Variants in LRRC7 observed in about 807,000 individuals in gnomAD.
LRRC7 encodes the protein leucine-rich repeat-containing protein 7.
Under a neutral mutation model 175.7 loss-of-function variants are expected in LRRC7, and 23 were observed. That is an observed-to-expected ratio of 0.13 (90% confidence interval 0.09 to 0.19). The LOEUF is 0.19. Ranked by LOEUF, LRRC7 falls within the 10% of genes least tolerant of loss-of-function variation. LRRC7 has a pLI of 1.00. For synonymous variants in LRRC7, 685 were observed against 680.9 expected (o/e 1.01, Z -0.09); for missense variants, 1,354 against 1,904.7 (o/e 0.71, Z 5.38).
At chr1:69,771,591 G>T (rs1052095502) in intron 3 of LRRC7, among the ~76,000 whole-genome samples, 3 of 152,048 alleles carry the variant, frequency 2.0e-5, no homozygotes, top group Admixed American at 6.6e-5. Context: ...TTTGAGAAAT[G>T]ATACAAAAAA....
chr1:69,801,124 A>G (rs865944533), intron 4 of LRRC7, among the ~76,000 whole-genome samples: 42 of 151,826 alleles, frequency 2.8e-4, no homozygotes, highest in Middle Eastern at 3.2e-3. Flanking sequence ...TTTGTTTACT[A>G]GTATTTTGTT....
intron 8 of LRRC7, among the ~76,000 whole-genome samples, chr1:69,973,656 G>A (rs891990844): frequency 2.0e-5 from 3 of 152,108 alleles, no homozygotes; most frequent in Non-Finnish European, 4.4e-5. Flanking sequence ...GTGCAGTGGC[G>A]CAATCTTGGC....
chr1:70,087,089 T>C (rs1663671560), intron 24 of LRRC7, among the ~76,000 whole-genome samples: 1 of 152,234 alleles, frequency 6.6e-6, no homozygotes, highest in African/African-American at 2.4e-5. Flanking sequence ...TTTATAAAAC[T>C]ACAGTGTCAT....
chr1:69,989,347 T>G (rs1654221247), intron 10 of LRRC7, among the ~76,000 whole-genome samples: 1 of 152,206 alleles, frequency 6.6e-6, no homozygotes, highest in Admixed American at 6.5e-5. Flanking sequence ...TGCATCACTA[T>G]GTACCTGATA....
chr1:69,658,250 ATAAT>A (rs747202854), intron 1 of LRRC7, among the ~76,000 whole-genome samples: 2 of 151,960 alleles, frequency 1.3e-5, no homozygotes, highest in Admixed American at 6.6e-5. Context: ...CATATTTTAA[ATAAT>A]TCATATTAGC....
At chr1:69,689,811 A>T (rs1326037006) in intron 2 of LRRC7, among the ~76,000 whole-genome samples, 1 of 152,214 alleles carries the variant, frequency 6.6e-6, no homozygotes, top group Non-Finnish European at 1.5e-5. Context: ...TTCCAGTTAA[A>T]CAGTGTCGTA....
At chr1:70,065,004 A>ATATT (rs1661863624) in intron 23 of LRRC7, among the ~76,000 whole-genome samples, 1 of 151,918 alleles carries the variant, frequency 6.6e-6, no homozygotes, top group African/African-American at 2.4e-5. Flanking sequence ...CTTCTTGAGT[A>ATATT]TATTCTCTGC....
chr1:70,143,186 AAG>A lies in LRRC7; in HGVS notation c.*21302_*21303del, dbSNP rs1491312180. 4 of 151,852 alleles carry A rather than the reference AAG, an allele frequency of 2.6e-5. No homozygotes were observed. Among genetic ancestry groups the A allele is most frequent in the South Asian group, 2.1e-4 (1 of 4,808 alleles). The allele number at this position is 151,852 out of a possible 1,614,324, so 9.4% of individuals were successfully genotyped here. ...TTTGGGTCGCTATTTTAGTAAAATG[AAG>A]AGTCTCTAGACTTTTTTTTTTTTTT... On this transcript the variant is annotated 3_prime_UTR_variant, in exon 27 of 27. Coordinates refer to ENST00000651989, the MANE Select transcript of LRRC7 (RefSeq NM_001370785.2).
chr1:69,802,834 C>T (rs1341890659), intron 4 of LRRC7, among the ~76,000 whole-genome samples: 1 of 151,280 alleles, frequency 6.6e-6, no homozygotes, highest in Non-Finnish European at 1.5e-5. Context: ...CATAATTTTA[C>T]AAATTATTTA....
Position 69,991,095 on chromosome 1 carries a change from G to T in LRRC7, c.932-3466G>T, listed in dbSNP as rs552161401. Among the ~76,000 whole-genome samples, 3 of 151,352 alleles carry T rather than the reference G, an allele frequency of 2.0e-5. No homozygotes were observed. In the East Asian group the frequency reaches 5.8e-4, roughly 29 times the overall value. ...GCTTGAGCCCAGGAGTTCAGAGGTT[G>T]CAGAGAGCTATGATTGTACCACTGC... On this transcript the variant is annotated intron_variant, in intron 10 of 26. Transcript: ENST00000651989.
At chr1:69,843,331 A>G (rs926972900) in intron 7 of LRRC7, among the ~76,000 whole-genome samples, 2 of 152,068 alleles carry the variant, frequency 1.3e-5, no homozygotes, top group African/African-American at 4.8e-5. Flanking sequence ...ATTGAAGAAG[A>G]TTTTTTTAAG....
intron 10 of LRRC7, among the ~76,000 whole-genome samples, chr1:69,993,840 G>A (rs930620076): frequency 3.3e-5 from 5 of 152,104 alleles, no homozygotes; most frequent in Non-Finnish European, 7.4e-5. Flanking sequence ...TTTTATGGTT[G>A]GATAAGGAAG....
chr1:69,862,977 C>T (rs1396768320), intron 7 of LRRC7, among the ~76,000 whole-genome samples: 1 of 152,124 alleles, frequency 6.6e-6, no homozygotes, highest in East Asian at 1.9e-4. Flanking sequence ...ATCACAGGTG[C>T]CTTAAAGTCA....
rs146806125 is a variant in LRRC7 at position 69,845,789 on chromosome 1, T to C, written c.647+7506T>C. Among the ~76,000 whole-genome samples the C allele has an allele frequency of 1.2e-3, 177 of 152,244 alleles. 4 individuals are homozygous for C. In the East Asian group the frequency reaches 0.027, roughly 23 times the overall value. ...CAAGGACAGCTTACAGAATGGCTTT[T>C]TGATGTTTCTATTAACTCTGTATTT... is the stretch of plus-strand genomic sequence containing the variant. On this transcript the variant is annotated intron_variant, in intron 7 of 26. Transcript: ENST00000651989.
intron 1 of LRRC7, among the ~76,000 whole-genome samples, chr1:69,630,416 A>G (rs1652300352): frequency 6.6e-6 from 1 of 152,144 alleles, no homozygotes; most frequent in Non-Finnish European, 1.5e-5. Flanking sequence ...CATGATACTT[A>G]CTGCCAAATT....
intron 2 of LRRC7, among the ~76,000 whole-genome samples, chr1:69,754,153 A>C (rs1326647681): frequency 6.6e-6 from 1 of 152,044 alleles, no homozygotes; most frequent in Admixed American, 6.6e-5. Context: ...CATAGGAAAA[A>C]TTTTGGACTT....
At position 69,636,444 on chromosome 1, in the gene LRRC7, CAG is replaced by C. The variant is rs397737619; in HGVS notation, c.3-41933_3-41932del. 3.3e-3 allele frequency among the ~76,000 whole-genome samples: 459 copies of C among 138,306 alleles called. 3 individuals carry two copies. The highest frequency in any genetic ancestry group is 0.018 in the Middle Eastern group (5 of 278). 90.7% of individuals were successfully genotyped at this position (138,306 alleles called of 152,430 possible). A position where few individuals can be genotyped will look rare whatever the true frequency, so the allele number is the denominator to read the frequency against. Reference sequence around the variant, plus strand: ...GCACAGACACACACACACACACACACAGAGACAGATACATTTTGTAGTTAGCA... The same window carrying C: ...GCACAGACACACACACACACACACACAGACAGATACATTTTGTAGTTAGCA... On this transcript the variant is annotated intron_variant, in intron 1 of 26. Coordinates refer to ENST00000651989, the MANE Select transcript of LRRC7 (RefSeq NM_001370785.2).
intron 2 of LRRC7, among the ~76,000 whole-genome samples, chr1:69,712,239 C>CAT (rs1557633664): frequency 2.1e-5 from 1 of 47,690 alleles, no homozygotes; most frequent in African/African-American, 8.4e-5. Context: ...AAAAAGAACA[C>CAT]ACACACACAC....
chr1:69,755,856 C>T (rs1415552513), intron 2 of LRRC7, among the ~76,000 whole-genome samples: 1 of 151,954 alleles, frequency 6.6e-6, no homozygotes, highest in Admixed American at 6.6e-5. Context: ...TGCACTAAAA[C>T]CTATCAAGCC....
Sources: allele counts gnomAD v4.1 joint callset (sites outside exome capture counted in the v4.1 genomes callset), GRCh38; gene constraint gnomAD v4.1.1; transcripts MANE v1.5; gene names NCBI Gene and HGNC (gene_info 2026-07-23, HGNC 2026-07-21).